TECR: variants seen among roughly 807,000 people sequenced by gnomAD.
TECR encodes the protein trans-2,3-enoyl-CoA reductase.
A neutral mutation model predicts 50.6 loss-of-function variants in TECR; 19 were observed. That is an observed-to-expected ratio of 0.38 (90% CI 0.26 to 0.55). The LOEUF is 0.55. TECR is among the 20% of genes least tolerant of loss of function. The pLI is 0.79. For synonymous variants in TECR, 168 were observed against 163.5 expected (o/e 1.03, Z -0.21); for missense variants, 313 against 408.3 (o/e 0.77, Z 2.01).
rs2073967945 is a variant in TECR at position 14,563,552 on chromosome 19, G to A, written c.119-106G>A. 6.8e-7 allele frequency: 1 copy of A among 1,466,052 alleles called. No individual in the cohort carries two copies. The highest frequency in any genetic ancestry group is 1.2e-5 in the South Asian group (1 of 86,804). 90.8% of individuals were successfully genotyped at this position (1,466,052 alleles called of 1,614,324 possible). ...AGGTGGGAGGAGCTGTGGAGTCCTGGGGTCCTTGCACCCTGGGAACCCTGA... is the reference window on the plus strand; with the variant it reads ...AGGTGGGAGGAGCTGTGGAGTCCTGAGGTCCTTGCACCCTGGGAACCCTGA... On this transcript the variant is annotated intron_variant, in intron 3 of 12. Coordinates refer to ENST00000215567, the MANE Select transcript of TECR (RefSeq NM_138501.6). The surrounding 1 kb of genome is among the most constrained non-coding windows in gnomAD (Gnocchi z 5.3).
chr19:14,557,117 AT>A (rs1257385424), intron 1 of TECR, among the ~76,000 whole-genome samples: 10 of 134,210 alleles, frequency 7.5e-5, no homozygotes, highest in African/African-American at 2.6e-4. Context: ...GTCTAATCTT[AT>A]TTATTTATTT....
intron 10 of TECR, 31 bp downstream of exon 10, chr19:14,565,154 T>C: frequency 6.2e-7 from 1 of 1,613,716 alleles, no homozygotes; most frequent in African/African-American, 1.3e-5. Flanking sequence ...GGGGGACAGC[T>C]GGGCTGGGTG....
intron 11 of TECR, 31 bp from the exon 12 acceptor site, chr19:14,565,587 G>A: frequency 6.2e-7 from 1 of 1,602,196 alleles, no homozygotes. Flanking sequence ...TTGCGAGGCT[G>A]CCCACGCTCA....
At chr19:14,541,453 C>T (rs1599432282) in intron 1 of TECR, among the ~76,000 whole-genome samples, 2 of 152,376 alleles carry the variant, frequency 1.3e-5, no homozygotes, top group African/African-American at 4.8e-5. Flanking sequence ...TGGTCCAGGC[C>T]TTTTCCCGTC....
intron 1 of TECR, among the ~76,000 whole-genome samples, chr19:14,536,119 T>G (rs2146560984): frequency 6.6e-6 from 1 of 152,252 alleles, no homozygotes; most frequent in African/African-American, 2.4e-5. Context: ...TGCAGGCCAG[T>G]TCCCCTTTGG....
At chr19:14,531,160 G>T (rs2072638348) in intron 1 of TECR, 1 of 151,980 alleles carries the variant, frequency 6.6e-6, no homozygotes, top group African/African-American at 2.4e-5. Flanking sequence ...TCAGCCTCCT[G>T]AATAGCTGGG....
chr19:14,554,341 G>T (rs1207052071), intron 1 of TECR, among the ~76,000 whole-genome samples: 1 of 152,184 alleles, frequency 6.6e-6, no homozygotes, highest in East Asian at 1.9e-4. Context: ...GAAGTTTCAG[G>T]TTCATAAGCC....
Position 14,537,171 on chromosome 19 carries a change from C to CG in TECR, c.15+7467dup, listed in dbSNP as rs1250095462. ...AGGGCTGAGAAAGAAGAGGCGGGGCCGGGGGGGAAGGGGAGGCCGAGGGGG... is the reference window on the plus strand; with the variant it reads ...AGGGCTGAGAAAGAAGAGGCGGGGCCGGGGGGGGAAGGGGAGGCCGAGGGGG... On this transcript the variant is annotated intron_variant, in intron 1 of 12. Transcript: ENST00000215567. 4.5e-5 allele frequency among the ~76,000 whole-genome samples: 4 copies of CG among 88,468 alleles called. No individual in the cohort carries two copies. The East Asian group carries it at 1.7e-3, about 39-fold the overall frequency. The allele number at this position is 88,468 out of a possible 152,430, so 58.0% of individuals were successfully genotyped here.
At chr19:14,540,003 C>T (rs1395349081) in intron 1 of TECR, among the ~76,000 whole-genome samples, 3 of 151,862 alleles carry the variant, frequency 2.0e-5, no homozygotes, top group African/African-American at 2.4e-5. Context: ...CCTCAGCCTC[C>T]TGAGTAGCTG....
chr19:14,529,864 T>A (rs926172474), intron 1 of TECR, 153 bp downstream of exon 1: 2 of 1,048,976 alleles, frequency 1.9e-6, no homozygotes, highest in African/African-American at 1.6e-5. Context: ...CCCGGGCCAC[T>A]CGTAAATTCC....
intron 1 of TECR, among the ~76,000 whole-genome samples, chr19:14,543,395 A>G (rs1331394992): frequency 1.6e-4 from 1 of 6,396 alleles, no homozygotes; most frequent in Non-Finnish European, 3.6e-4. Flanking sequence ...GAGAATATAT[A>G]TATATATATA....
At position 14,546,992 on chromosome 19, in the gene TECR, G is replaced by A. The variant is rs182608210; in HGVS notation, c.16-15533G>A. ...TTACAGGCATGAGCCACTGCACCCA[G>A]CCTAAAAATTAAATTTCAATTTGAT... is the stretch of plus-strand genomic sequence containing the variant. On this transcript the variant is annotated intron_variant, in intron 1 of 12. Coordinates refer to ENST00000215567, the MANE Select transcript of TECR (RefSeq NM_138501.6). Among the ~76,000 whole-genome samples, 299 of 152,272 alleles carry A rather than the reference G, an allele frequency of 2.0e-3. 2 individuals carry two copies. Among genetic ancestry groups the A allele is most frequent in the Non-Finnish European group, 1.8e-3 (120 of 68,024 alleles).
At position 14,563,168 on chromosome 19, in the gene TECR, C is replaced by T. The variant is rs370808218; in HGVS notation, c.67-38C>T. 249 of 1,613,774 alleles carry T rather than the reference C, an allele frequency of 1.5e-4. No homozygotes were observed. The highest frequency in any genetic ancestry group is 2.0e-4 in the Non-Finnish European group (240 of 1,179,862). On this transcript the variant is annotated intron_variant, in intron 2 of 12. Coordinates refer to ENST00000215567, the MANE Select transcript of TECR (RefSeq NM_138501.6). This position sits in a 1 kb window ranked among gnomAD's most constrained non-coding sequence, Gnocchi z 5.3. The stretch of plus-strand genomic sequence containing the variant: ...CCTCCCCATCCTGAGTCTGGGCTCC[C>T]CGCAGAGCTGACGTCCCTGCGCCTG...
intron 1 of TECR, among the ~76,000 whole-genome samples, chr19:14,542,430 C>T (rs1035974993): frequency 5.2e-5 from 7 of 134,460 alleles, no homozygotes; most frequent in East Asian, 2.5e-4. Flanking sequence ...GGTGCAATCT[C>T]GGCTCACTGC....
At chr19:14,554,117 T>C (rs1385242460) in intron 1 of TECR, among the ~76,000 whole-genome samples, 2 of 152,136 alleles carry the variant, frequency 1.3e-5, no homozygotes, top group African/African-American at 4.8e-5. Context: ...GCTTTCAACA[T>C]GCACGCGTGG....
At chr19:14,552,535 TTTC>T (rs763213429) in intron 1 of TECR, among the ~76,000 whole-genome samples, 4 of 151,094 alleles carry the variant, frequency 2.6e-5, no homozygotes, top group Non-Finnish European at 4.4e-5. Context: ...TTTCTTTTCT[TTTC>T]TTTTCTTTTT....
chr19:14,536,267 G>GT (rs201416657), intron 1 of TECR, among the ~76,000 whole-genome samples: 3,773 of 138,016 alleles, frequency 0.027, 151 homozygotes, highest in African/African-American at 0.081. Context: ...TCTCGAGCTA[G>GT]TTTTTTTTTT....
intron 1 of TECR, among the ~76,000 whole-genome samples, chr19:14,553,660 A>T (rs1200934671): frequency 2.0e-5 from 3 of 152,082 alleles, no homozygotes; most frequent in Non-Finnish European, 1.5e-5. Flanking sequence ...TGAGCCGCTG[A>T]GCCGGAGTCC....
At chr19:14,565,326 T>C in intron 11 of TECR, 36 bp downstream of exon 11, 3 of 1,608,850 alleles carry the variant, frequency 1.9e-6, no homozygotes, top group Non-Finnish European at 2.5e-6. Context: ...GCCCTGGGAC[T>C]TGGGGTCCCA....
Sources: allele counts gnomAD v4.1 joint callset (sites outside exome capture counted in the v4.1 genomes callset), GRCh38; gene constraint gnomAD v4.1.1; non-coding constraint Gnocchi (gnomAD v3.1); transcripts MANE v1.5; gene names NCBI Gene and HGNC (gene_info 2026-07-23, HGNC 2026-07-21).